Variants in PLXDC2 observed in about 807,000 individuals in gnomAD.
PLXDC2 encodes the protein plexin domain-containing protein 2.
PLXDC2 carries 40 observed loss-of-function variants against 68.9 expected under a neutral mutation model. The observed-to-expected ratio is 0.58, with a 90% CI of 0.45 to 0.76. The LOEUF (loss-of-function observed/expected upper bound fraction) is 0.76, where lower values mean the gene tolerates loss of function less well. Among genes scored for constraint, PLXDC2 ranks in the 30% least tolerant of loss-of-function variants. PLXDC2 has a pLI of 0.00. For synonymous variants in PLXDC2, 243 were observed against 234.2 expected, an observed-to-expected ratio of 1.04 and a Z score of -0.34; for missense variants, 644 against 661.9, an observed-to-expected ratio of 0.97 and a Z score of 0.30.
intron 1 of PLXDC2, among the ~76,000 whole-genome samples, chr10:19,838,027 C>T (rs889042890): frequency 2.0e-5 from 3 of 152,092 alleles, no homozygotes; most frequent in Non-Finnish European, 4.4e-5. Flanking sequence ...GAGACAGGGT[C>T]TCATTCTATT....
At chr10:20,149,110 G>T (rs143553052) in intron 6 of PLXDC2, among the ~76,000 whole-genome samples, 3 of 150,682 alleles carry the variant, frequency 2.0e-5, no homozygotes, top group African/African-American at 7.3e-5. Flanking sequence ...AGGAGTACAT[G>T]TGTAGGTGTC....
intron 1 of PLXDC2, among the ~76,000 whole-genome samples, chr10:19,825,529 T>C (rs1589486030): frequency 6.6e-6 from 1 of 152,302 alleles, no homozygotes; most frequent in East Asian, 1.9e-4. Flanking sequence ...CATTCGATAA[T>C]GTTTTTTGGG....
At chr10:19,966,147 T>A (rs1834244711) in intron 1 of PLXDC2, among the ~76,000 whole-genome samples, 1 of 148,240 alleles carries the variant, frequency 6.7e-6, no homozygotes, top group Non-Finnish European at 1.5e-5. Flanking sequence ...ATATAGTATA[T>A]ATATAAACAC....
At chr10:20,117,833 A>G (rs1833641324) in intron 4 of PLXDC2, among the ~76,000 whole-genome samples, 1 of 152,242 alleles carries the variant, frequency 6.6e-6, no homozygotes, top group Admixed American at 6.5e-5. Context: ...CTCAGTCAAG[A>G]TGAAATTAAC....
rs1025517124 is a variant in PLXDC2 at position 20,284,705 on chromosome 10, T to G, written c.*4886T>G. On this transcript the variant is annotated 3_prime_UTR_variant, in exon 14 of 14. Coordinates refer to ENST00000377252, the MANE Select transcript of PLXDC2 (RefSeq NM_032812.9). The stretch of plus-strand genomic sequence containing the variant: ...GTCCCAGTGTCAGTAAACTGGGTCT[T>G]GAACTTAAATGTTTGTTTCAGTTCT... The G allele has an allele frequency of 1.1e-4, 16 of 152,294 alleles. No homozygotes were observed. The highest frequency in any genetic ancestry group is 3.1e-4 in the African/African-American group (13 of 41,562). The allele number at this position is 152,294 out of a possible 1,614,324, so 9.4% of individuals were successfully genotyped here.
At chr10:20,133,087 C>A (rs1019104125) in intron 4 of PLXDC2, among the ~76,000 whole-genome samples, 3 of 152,160 alleles carry the variant, frequency 2.0e-5, no homozygotes, top group African/African-American at 7.2e-5. Context: ...CCTCCACATA[C>A]AAAAACTACA....
chr10:20,068,809 C>G (rs531845997), intron 4 of PLXDC2, among the ~76,000 whole-genome samples: 1 of 151,876 alleles, frequency 6.6e-6, no homozygotes, highest in South Asian at 2.1e-4. Context: ...TTATTTTTCT[C>G]CACAAGCTTG....
intron 1 of PLXDC2, among the ~76,000 whole-genome samples, chr10:19,974,964 TC>T (rs779175585): frequency 2.6e-5 from 4 of 152,202 alleles, no homozygotes; most frequent in Non-Finnish European, 4.4e-5. Context: ...TTATCATTAT[TC>T]CATTTTCATA....
intron 2 of PLXDC2, among the ~76,000 whole-genome samples, chr10:20,046,438 C>A (rs925639843): frequency 2.0e-5 from 3 of 152,042 alleles, no homozygotes; most frequent in African/African-American, 7.2e-5. Flanking sequence ...CATAGTATTT[C>A]TTTTAGTCAC....
intron 4 of PLXDC2, among the ~76,000 whole-genome samples, chr10:20,074,209 T>A (rs1836393510): frequency 6.6e-6 from 1 of 152,136 alleles, no homozygotes; most frequent in Admixed American, 6.5e-5. Context: ...TGCCTTCCCT[T>A]TCTACACAGG....
At chr10:20,231,682 C>G (rs1315060297) in intron 12 of PLXDC2, among the ~76,000 whole-genome samples, 2 of 151,570 alleles carry the variant, frequency 1.3e-5, no homozygotes, top group South Asian at 4.2e-4. Context: ...TTTAATATCT[C>G]TAAGAAGATG....
At chr10:20,233,145 G>A (rs530988482) in intron 12 of PLXDC2, among the ~76,000 whole-genome samples, 3 of 152,066 alleles carry the variant, frequency 2.0e-5, no homozygotes, top group Admixed American at 1.3e-4. Flanking sequence ...ATAGTTGCAC[G>A]AGTTGTATAG....
Position 19,816,960 on chromosome 10 carries a change from G to A in PLXDC2, c.-120G>A. On this transcript the variant is annotated 5_prime_UTR_variant, in exon 1 of 14. Transcript: ENST00000377252. The stretch of plus-strand genomic sequence containing the variant: ...GTGAAATCGCAGCGACATTTACAAA[G>A]GCCTCCGGGTCCTACCGAGACCGAT... 1.5e-6 allele frequency: 1 copy of A among 670,556 alleles called. No individual in the cohort carries two copies. The highest frequency in any genetic ancestry group is 1.9e-5 in the South Asian group (1 of 53,988). 41.5% of individuals were successfully genotyped at this position (670,556 alleles called of 1,614,324 possible).
rs144952719 is a variant in PLXDC2, at chr10:20,121,267, T to G, written c.542-22028T>G. Among the ~76,000 whole-genome samples, 1,220 of 152,280 alleles carry G rather than the reference T, an allele frequency of 8.0e-3. 15 individuals carry two copies. Among genetic ancestry groups the G allele is most frequent in the African/African-American group, 0.028 (1,148 of 41,562 alleles). On this transcript the variant is annotated intron_variant, in intron 4 of 13. Coordinates refer to ENST00000377252, the MANE Select transcript of PLXDC2 (RefSeq NM_032812.9). ...CAGCAGCCACTGCACGGAGACATGA[T>G]GGCTAGGCTAAAACAGGTCAAGTTG...
At chr10:19,843,720 G>C (rs1836948007) in intron 1 of PLXDC2, among the ~76,000 whole-genome samples, 1 of 152,182 alleles carries the variant, frequency 6.6e-6, no homozygotes, top group Admixed American at 6.5e-5. Flanking sequence ...CTAAAAAAAT[G>C]TGATCTCCTG....
intron 13 of PLXDC2, 90 bp from the exon 14 acceptor site, chr10:20,279,613 A>T (rs1836054392): frequency 1.0e-6 from 1 of 981,994 alleles, no homozygotes; most frequent in East Asian, 2.4e-5. Flanking sequence ...TTAATTCAAC[A>T]TTTAATCTAA....
At chr10:19,922,458 G>A (rs1833475428) in intron 1 of PLXDC2, among the ~76,000 whole-genome samples, 1 of 152,198 alleles carries the variant, frequency 6.6e-6, no homozygotes, top group South Asian at 2.1e-4. Context: ...CAGGAGGAAG[G>A]AGATGGTGTT....
At chr10:20,212,924 T>C (rs1467858209) in intron 10 of PLXDC2, among the ~76,000 whole-genome samples, 2 of 152,154 alleles carry the variant, frequency 1.3e-5, no homozygotes, top group Admixed American at 1.3e-4. Context: ...TATAAAATGT[T>C]GAAAATGAAT....
At chr10:20,190,705 A>C (rs918705923) in intron 9 of PLXDC2, among the ~76,000 whole-genome samples, 2 of 151,794 alleles carry the variant, frequency 1.3e-5, no homozygotes, top group Non-Finnish European at 2.9e-5. Context: ...AACATTTTTA[A>C]AAAGTAATTT....
Sources: gnomAD v4.1 joint callset for allele counts (sites outside exome capture counted in the v4.1 genomes callset) on GRCh38, gnomAD v4.1.1 for gene constraint, MANE v1.5 for transcripts, NCBI Gene and HGNC (gene_info 2026-07-23, HGNC 2026-07-21) for gene names.